Variants in PCDHGA10 observed in about 807,000 individuals in gnomAD.
PCDHGA10 encodes protocadherin gamma-A10.
Under a neutral mutation model 59.5 loss-of-function variants are expected in PCDHGA10, and 42 were observed. The ratio of observed to expected loss-of-function variants is 0.71; its 90% CI spans 0.55 to 0.91. PCDHGA10 has a LOEUF of 0.91. Ranked by LOEUF, PCDHGA10 falls within the 40% of genes least tolerant of loss-of-function variation. The pLI, the probability that PCDHGA10 is intolerant of heterozygous loss-of-function variation, is 0.00. For missense variants in PCDHGA10, 1,111 were observed against 1,198.2 expected, an observed-to-expected ratio of 0.93 and a Z score of 1.07; for synonymous variants, 511 against 517.2, an observed-to-expected ratio of 0.99 and a Z score of 0.16.
In PCDHGA10 at chr5:141,501,176, T is replaced by C. The variant is rs917315609; in HGVS notation, c.2496-4217T>C. ...GCCACCATCCCCAGCCTCATTTACA[T>C]TTTAACACAATTAAATTCAGGGTGT... On this transcript the variant is annotated intron_variant, in intron 2 of 3. Coordinates refer to ENST00000398610, the MANE Select transcript of PCDHGA10 (RefSeq NM_018913.3). Among the ~76,000 whole-genome samples, 16 of 152,244 alleles carry C rather than the reference T, an allele frequency of 1.1e-4. No homozygotes were observed. In the South Asian group the frequency reaches 3.3e-3, roughly 32 times the overall value.
chr5:141,427,895 G>T (rs539406412), intron 1 of PCDHGA10: 3 of 1,569,228 alleles, frequency 1.9e-6, no homozygotes, highest in South Asian at 2.2e-5. Context: ...ACCAGGGCTC[G>T]CCCGCGCTCA....
intron 2 of PCDHGA10, among the ~76,000 whole-genome samples, chr5:141,501,288 T>TAC (rs1562199973): frequency 3.7e-5 from 3 of 81,228 alleles, no homozygotes; most frequent in South Asian, 4.2e-4. Context: ...GATATTCCCT[T>TAC]ATACACACAC....
At chr5:141,450,770 AG>A (rs1354382498) in intron 1 of PCDHGA10, among the ~76,000 whole-genome samples, 1 of 151,448 alleles carries the variant, frequency 6.6e-6, no homozygotes, top group Non-Finnish European at 1.5e-5. Context: ...TACAGGCATG[AG>A]CCACCGTGCC....
At chr5:141,434,609 G>A (rs189866750) in intron 1 of PCDHGA10, among the ~76,000 whole-genome samples, 11 of 152,064 alleles carry the variant, frequency 7.2e-5, no homozygotes, top group Non-Finnish European at 1.3e-4. Context: ...CTTTATTTCC[G>A]CCCATCTCTT....
chr5:141,481,502 T>G (rs1425241526), intron 1 of PCDHGA10, among the ~76,000 whole-genome samples: 1 of 152,232 alleles, frequency 6.6e-6, no homozygotes, highest in Non-Finnish European at 1.5e-5. Context: ...TTGCATGGTA[T>G]GTGAATTATG....
At chr5:141,450,730 G>A (rs1046738914) in intron 1 of PCDHGA10, among the ~76,000 whole-genome samples, 10 of 152,024 alleles carry the variant, frequency 6.6e-5, no homozygotes, top group Non-Finnish European at 1.2e-4. Flanking sequence ...CAGGTGATCC[G>A]CCCGCCTTGG....
intron 1 of PCDHGA10, chr5:141,478,489 C>G (rs779457709): frequency 5.6e-6 from 9 of 1,613,162 alleles, no homozygotes; most frequent in Middle Eastern, 1.6e-4. Flanking sequence ...CGCTGCGGAG[C>G]TGTGATCCGG....
In PCDHGA10 at chr5:141,413,117, C is replaced by G. The variant is rs902301902; in HGVS notation, c.-59C>G. 1.9e-5 allele frequency: 29 copies of G among 1,509,004 alleles called. No homozygotes were observed. In the African/African-American group the frequency reaches 4.1e-4, roughly 21 times the overall value. The allele number at this position is 1,509,004 out of a possible 1,614,324, so 93.5% of individuals were successfully genotyped here. ...TGAAGCCACAGAAAGACAAAGGAAC[C>G]GGTTGAAACACACAACGTGTCCAGT... On this transcript the variant is annotated 5_prime_UTR_variant, in exon 1 of 4. Transcript: ENST00000398610.
intron 1 of PCDHGA10, chr5:141,484,931 A>T: frequency 4.0e-6 from 2 of 498,120 alleles, no homozygotes; most frequent in South Asian, 5.3e-5. Context: ...TGCTGTTGGG[A>T]CGTTCTCTGC....
chr5:141,416,728 T>C (rs2096057160), intron 1 of PCDHGA10: 1 of 152,232 alleles, frequency 6.6e-6, no homozygotes, highest in Non-Finnish European at 1.5e-5. Context: ...GTTCATTTAG[T>C]TCAATGAAAA....
intron 1 of PCDHGA10, among the ~76,000 whole-genome samples, chr5:141,456,276 C>T (rs1319517390): frequency 1.3e-5 from 2 of 152,146 alleles, no homozygotes; most frequent in South Asian, 4.1e-4. Flanking sequence ...CTACTTCCTG[C>T]TGAAAAGGGG....
chr5:141,432,991 C>T lies in PCDHGA10; in HGVS notation c.2436+17380C>T. ...CGGCGTCGCACTTTGTGGGCGTGGA[C>T]GGGGTGCAGGCTTTCCTGCAGACCT... is the stretch of plus-strand genomic sequence containing the variant. On this transcript the variant is annotated intron_variant, in intron 1 of 3. Coordinates refer to ENST00000398610, the MANE Select transcript of PCDHGA10 (RefSeq NM_018913.3). This position sits in a 1 kb window ranked among gnomAD's most constrained non-coding sequence, Gnocchi z 6.0. 6.2e-7 allele frequency: 1 copy of T among 1,614,200 alleles called. No individual in the cohort carries two copies. The highest frequency in any genetic ancestry group is 8.5e-7 in the Non-Finnish European group (1 of 1,180,030).
chr5:141,461,258 A>G lies in PCDHGA10; in HGVS notation c.2437-33549A>G, dbSNP rs2099011921. Among the ~76,000 whole-genome samples, 4 of 152,104 alleles carry G rather than the reference A, an allele frequency of 2.6e-5. No individual in the cohort carries two copies. In the South Asian group the frequency reaches 8.3e-4, roughly 31 times the overall value. The stretch of plus-strand genomic sequence containing the variant: ...GTACTAATTTATATTCCCAGCAGCA[A>G]TGTGTAAGTGTTCTCTTTTCCCCAC... On this transcript the variant is annotated intron_variant, in intron 1 of 3. Transcript: ENST00000398610.
chr5:141,492,146 C>T (rs979485619), intron 1 of PCDHGA10, among the ~76,000 whole-genome samples: 3 of 152,242 alleles, frequency 2.0e-5, no homozygotes, highest in African/African-American at 4.8e-5. Flanking sequence ...TGTGACTTCA[C>T]TGTTACCCTC....
Position 141,486,638 on chromosome 5 carries a change from C to T in PCDHGA10, c.2437-8169C>T, listed in dbSNP as rs753730551. 5.6e-6 allele frequency: 9 copies of T among 1,613,700 alleles called. No homozygotes were observed. In the East Asian group the frequency reaches 8.9e-5, roughly 16 times the overall value. On this transcript the variant is annotated intron_variant, in intron 1 of 3. Coordinates refer to ENST00000398610, the MANE Select transcript of PCDHGA10 (RefSeq NM_018913.3). This position sits in a 1 kb window ranked among gnomAD's most constrained non-coding sequence, Gnocchi z 5.0. The stretch of plus-strand genomic sequence containing the variant: ...TGACCCAGACTCTGGCTTGAATGCG[C>T]TTATCTCCTACTCACTCCTGGAGCC...
In PCDHGA10 at chr5:141,432,285, C is replaced by A; in HGVS notation, c.2436+16674C>A. On this transcript the variant is annotated intron_variant, in intron 1 of 3. Transcript: ENST00000398610. The surrounding 1 kb of genome is among the most constrained non-coding windows in gnomAD (Gnocchi z 6.0). ...CTATCGTCCTACGTGTCCATCAACTCCGACACTGGGGTACTGTATGCGCTG... is the reference window on the plus strand; with the variant it reads ...CTATCGTCCTACGTGTCCATCAACTACGACACTGGGGTACTGTATGCGCTG... The A allele has an allele frequency of 6.2e-7, 1 of 1,614,262 alleles. No homozygotes were observed. The highest frequency in any genetic ancestry group is 8.5e-7 in the Non-Finnish European group (1 of 1,180,052).
At chr5:141,421,582 G>A (rs531591776) in intron 1 of PCDHGA10, 4 of 1,613,874 alleles carry the variant, frequency 2.5e-6, no homozygotes, top group Non-Finnish European at 2.5e-6. Flanking sequence ...GAAGATTTAC[G>A]GAGTGGAGGT....
At position 141,431,828 on chromosome 5, in the gene PCDHGA10, C is replaced by G. The variant is rs750949066; in HGVS notation, c.2436+16217C>G. ...CCTCACCTCTCTCGCCAGCTCGGTTCCCGAAAACTCTCCCAGAGGGACATT... is the reference window on the plus strand; with the variant it reads ...CCTCACCTCTCTCGCCAGCTCGGTTGCCGAAAACTCTCCCAGAGGGACATT... On this transcript the variant is annotated intron_variant, in intron 1 of 3. Coordinates refer to ENST00000398610, the MANE Select transcript of PCDHGA10 (RefSeq NM_018913.3). This position sits in a 1 kb window ranked among gnomAD's most constrained non-coding sequence, Gnocchi z 4.8. The G allele has an allele frequency of 5.6e-6, 9 of 1,610,208 alleles. No homozygotes were observed. Among genetic ancestry groups the G allele is most frequent in the Non-Finnish European group, 1.7e-6 (2 of 1,176,374 alleles).
Position 141,490,683 on chromosome 5 carries a change from A to C in PCDHGA10, c.2437-4124A>C, listed in dbSNP as rs766019662. 6 of 1,614,088 alleles carry C rather than the reference A, an allele frequency of 3.7e-6. No homozygotes were observed. The highest frequency in any genetic ancestry group is 5.1e-6 in the Non-Finnish European group (6 of 1,180,034). On this transcript the variant is annotated intron_variant, in intron 1 of 3. Transcript: ENST00000398610. The surrounding 1 kb of genome is among the most constrained non-coding windows in gnomAD (Gnocchi z 5.4). ...TTTGCACTGTGGCTGCCTCAGATCCAGACACTGGGGATAATGCCCGCCTCA... is the reference window on the plus strand; with the variant it reads ...TTTGCACTGTGGCTGCCTCAGATCCCGACACTGGGGATAATGCCCGCCTCA...
Sources: allele counts gnomAD v4.1 joint callset (sites outside exome capture counted in the v4.1 genomes callset), GRCh38; gene constraint gnomAD v4.1.1; non-coding constraint Gnocchi (gnomAD v3.1); transcripts MANE v1.5; gene names NCBI Gene and HGNC (gene_info 2026-07-23, HGNC 2026-07-21).